Variants in SPAG9 observed in about 807,000 individuals in gnomAD.
The protein encoded by SPAG9 is sperm associated antigen 9.
In SPAG9, 35 loss-of-function variants were observed where a neutral mutation model predicts 166.5. That is an observed-to-expected ratio of 0.21 (90% CI 0.16 to 0.28). SPAG9 has a LOEUF of 0.28. Among genes scored for constraint, SPAG9 ranks in the 10% least tolerant of loss-of-function variants. The pLI is 1.00. For missense variants in SPAG9, 1,235 were observed against 1,603.3 expected (o/e 0.77, Z 3.92); for synonymous variants, 534 against 565.5 (o/e 0.94, Z 0.79).
intron 1 of SPAG9, among the ~76,000 whole-genome samples, chr17:51,104,549 T>A (rs2048888182): frequency 6.6e-6 from 1 of 152,094 alleles, no homozygotes. Context: ...GACAGGAGAA[T>A]CGCTTGAACC....
chr17:51,024,571 G>C (rs190690234), intron 6 of SPAG9, among the ~76,000 whole-genome samples: 10 of 151,994 alleles, frequency 6.6e-5, no homozygotes, highest in Admixed American at 5.9e-4. Context: ...AAATCAGCCG[G>C]GCGTGGCGGC....
intron 1 of SPAG9, among the ~76,000 whole-genome samples, chr17:51,089,307 C>T (rs1052025626): frequency 6.6e-6 from 1 of 151,310 alleles, no homozygotes; most frequent in African/African-American, 2.4e-5. Flanking sequence ...ACCTGTAATC[C>T]CAGCTACTTG....
intron 29 of SPAG9, among the ~76,000 whole-genome samples, chr17:50,970,284 C>A (rs1266470730): frequency 6.6e-6 from 1 of 152,070 alleles, no homozygotes; most frequent in African/African-American, 2.4e-5. Flanking sequence ...AAGGCCGAGG[C>A]AGGCGGATCA....
chr17:51,012,935 T>G (rs1002342558), intron 9 of SPAG9, among the ~76,000 whole-genome samples: 5 of 151,922 alleles, frequency 3.3e-5, no homozygotes, highest in Admixed American at 2.6e-4. Flanking sequence ...TTCGCCATGT[T>G]GCCCAGGCTG....
intron 2 of SPAG9, among the ~76,000 whole-genome samples, chr17:51,065,077 C>T (rs1380400925): frequency 2.6e-5 from 4 of 152,030 alleles, no homozygotes; most frequent in Non-Finnish European, 2.9e-5. Context: ...GAGTTGAGAT[C>T]GCACCATTGC....
chr17:50,973,825 G>A (rs1389076202), intron 28 of SPAG9, among the ~76,000 whole-genome samples: 6 of 152,132 alleles, frequency 3.9e-5, no homozygotes, highest in Non-Finnish European at 7.4e-5. Flanking sequence ...TTCAGATTTG[G>A]ACTGCAACAT....
chr17:51,036,574 C>A (rs1398401619), intron 5 of SPAG9, among the ~76,000 whole-genome samples: 2 of 152,072 alleles, frequency 1.3e-5, no homozygotes, highest in East Asian at 1.9e-4. Context: ...ACAGATGCTG[C>A]CTTCCTCATC....
intron 15 of SPAG9, among the ~76,000 whole-genome samples, chr17:50,997,605 T>C (rs1195095363): frequency 1.3e-5 from 2 of 152,244 alleles, no homozygotes; most frequent in African/African-American, 4.8e-5. Flanking sequence ...GATGAGTTGC[T>C]ATGTATATAT....
At chr17:51,066,922 T>C (rs2047689751) in intron 2 of SPAG9, among the ~76,000 whole-genome samples, 1 of 152,170 alleles carries the variant, frequency 6.6e-6, no homozygotes, top group African/African-American at 2.4e-5. Context: ...CGTCTGTTAT[T>C]ATAAATGATT....
At chr17:50,989,557 T>A (rs1240036634) in intron 21 of SPAG9, 120 bp downstream of exon 21, 2 of 799,870 alleles carry the variant, frequency 2.5e-6, no homozygotes, top group Non-Finnish European at 4.3e-6. Flanking sequence ...AGAATAGGTA[T>A]CTTTTAATCC....
intron 6 of SPAG9, among the ~76,000 whole-genome samples, chr17:51,028,421 C>G (rs1282215070): frequency 1.2e-4 from 18 of 152,132 alleles, no homozygotes; most frequent in Admixed American, 1.2e-3. Flanking sequence ...GGTAAGTGCC[C>G]TATAGAGGTA....
intron 1 of SPAG9, among the ~76,000 whole-genome samples, chr17:51,084,857 T>C (rs1212624512): frequency 4.0e-5 from 6 of 151,628 alleles, no homozygotes; most frequent in Non-Finnish European, 1.5e-5. Flanking sequence ...TTTTTATTTA[T>C]TTATTTTTTT....
chr17:50,975,917 A>G, intron 27 of SPAG9: 1 of 1,532,936 alleles, frequency 6.5e-7, no homozygotes, highest in Non-Finnish European at 8.7e-7. Context: ...GTGAGAAAGG[A>G]GGAAAGGGGA....
chr17:50,988,228 A>C (rs1384782402), intron 21 of SPAG9, among the ~76,000 whole-genome samples: 1 of 152,154 alleles, frequency 6.6e-6, no homozygotes, highest in African/African-American at 2.4e-5. Context: ...AAAAAAAAAA[A>C]GAATTAAATA....
At position 51,080,036 on chromosome 17, in the gene SPAG9, A is replaced by G. The variant is rs199692154; in HGVS notation, c.304-332T>C. The stretch of plus-strand genomic sequence containing the variant: ...CTTAAAAATCTATAACATGTACAAT[A>G]GAGAACAAAAGAATGATGGAATAAT... On this transcript the variant is annotated intron_variant, in intron 1 of 29. Coordinates refer to ENST00000262013, the MANE Select transcript of SPAG9 (RefSeq NM_001130528.3). 2.6e-5 allele frequency among the ~76,000 whole-genome samples: 4 copies of G among 152,350 alleles called. No homozygotes were observed. In the East Asian group the frequency reaches 7.7e-4, roughly 29 times the overall value.
chr17:51,118,406 T>C (rs2049361058), intron 1 of SPAG9, among the ~76,000 whole-genome samples: 1 of 152,246 alleles, frequency 6.6e-6, no homozygotes, highest in African/African-American at 2.4e-5. Flanking sequence ...GTTTTCTGAT[T>C]CTGCAACCTG....
At chr17:51,005,589 G>A (rs540477883) in intron 11 of SPAG9, among the ~76,000 whole-genome samples, 20 of 152,336 alleles carry the variant, frequency 1.3e-4, no homozygotes, top group South Asian at 2.1e-4. Context: ...AGTGGCTCAC[G>A]CCTGTAATCC....
intron 1 of SPAG9, among the ~76,000 whole-genome samples, chr17:51,110,930 C>T (rs1035795902): frequency 3.3e-5 from 5 of 152,044 alleles, no homozygotes; most frequent in African/African-American, 2.4e-5. Context: ...TCCTGGCTAA[C>T]GCAGTGAAAC....
chr17:51,075,573 C>CCA (rs2047947223), intron 2 of SPAG9, among the ~76,000 whole-genome samples: 1 of 152,154 alleles, frequency 6.6e-6, no homozygotes, highest in Admixed American at 6.6e-5. Flanking sequence ...ACCTGTAATC[C>CCA]CAGCATTTGG....
Sources: allele counts gnomAD v4.1 joint callset (sites outside exome capture counted in the v4.1 genomes callset), GRCh38; gene constraint gnomAD v4.1.1; transcripts MANE v1.5; gene names NCBI Gene and HGNC (gene_info 2026-07-23, HGNC 2026-07-21).